Variants in SPATA6L observed in about 807,000 individuals in gnomAD.
SPATA6L encodes spermatogenesis associated 6 like, also known as spermatogenesis associated 6-like protein.
SPATA6L carries 68 observed loss-of-function variants against 49.2 expected under a neutral mutation model. That is an observed-to-expected ratio of 1.38 (90% CI 1.14 to 1.69). SPATA6L has a LOEUF of 1.69. Among genes scored for constraint, SPATA6L ranks in the 40% most tolerant of loss-of-function variants. The pLI is 0.00. For synonymous variants in SPATA6L, 198 were observed against 165.7 expected, an observed-to-expected ratio of 1.19 and a Z score of -1.50; for missense variants, 668 against 464.3, an observed-to-expected ratio of 1.44 and a Z score of -4.03.
At chr9:4,656,658 A>T (rs775404921) in intron 2 of SPATA6L, among the ~76,000 whole-genome samples, 1 of 152,258 alleles carries the variant, frequency 6.6e-6, no homozygotes. Context: ...TAACACAACA[A>T]TAAGAAGTGC....
At chr9:4,616,122 T>C (rs1827929803) in intron 9 of SPATA6L, among the ~76,000 whole-genome samples, 1 of 151,800 alleles carries the variant, frequency 6.6e-6, no homozygotes, top group African/African-American at 2.4e-5. Flanking sequence ...AATAAAAATA[T>C]GAAAATTAGC....
intron 5 of SPATA6L, chr9:4,626,233 A>C (rs1587179177): frequency 2.7e-6 from 1 of 375,496 alleles, no homozygotes; most frequent in East Asian, 9.1e-5. Flanking sequence ...ATGGCTCCAG[A>C]TTATAGCCTT....
chr9:4,660,115 C>T (rs1018556566), intron 2 of SPATA6L, among the ~76,000 whole-genome samples: 18 of 152,194 alleles, frequency 1.2e-4, no homozygotes, highest in Non-Finnish European at 2.1e-4. Flanking sequence ...AGGACATATG[C>T]ATGGGCAAGG....
chr9:4,653,689 G>A (rs1837439250), intron 3 of SPATA6L, among the ~76,000 whole-genome samples: 1 of 152,108 alleles, frequency 6.6e-6, no homozygotes, highest in Non-Finnish European at 1.5e-5. Flanking sequence ...CAACACTTTG[G>A]GAAGCCCAGG....
At chr9:4,594,597 T>C (rs10974635), downstream of SPATA6L, among the ~76,000 whole-genome samples, 137 of 152,260 alleles carry the variant, frequency 9.0e-4, 2 homozygotes, top group East Asian at 0.025. Flanking sequence ...CCCAAGAGGT[T>C]TGAGGTTGCA....
intron 3 of SPATA6L, among the ~76,000 whole-genome samples, chr9:4,641,261 T>C (rs7023566): frequency 0.12 from 18,439 of 152,102 alleles, 1,572 homozygotes; most frequent in African/African-American, 0.23. Context: ...ATTTAATATA[T>C]AGTCATCCCT....
chr9:4,602,471 G>A (rs1283437498), intron 11 of SPATA6L, among the ~76,000 whole-genome samples: 4 of 152,164 alleles, frequency 2.6e-5, no homozygotes. Context: ...CCATTCCTAA[G>A]GCAAGCCAAC....
At chr9:4,620,605 C>T (rs9777196) in intron 7 of SPATA6L, among the ~76,000 whole-genome samples, 4,116 of 152,292 alleles carry the variant, frequency 0.027, 204 homozygotes, top group African/African-American at 0.091. Flanking sequence ...AAAGGGCTGG[C>T]TTGAAAGCTA....
chr9:4,633,495 T>A (rs1448111568), intron 4 of SPATA6L: 2 of 161,154 alleles, frequency 1.2e-5, no homozygotes, highest in East Asian at 1.6e-4. Context: ...TCTGCCAATA[T>A]ATTGTAATAA....
chr9:4,618,886 T>C lies in SPATA6L; in HGVS notation c.785A>G (p.Asp262Gly), dbSNP rs1243821420. ...PFPTRRASSLDSLAANVKVIK... is the reference protein window; with the variant it reads ...PFPTRRASSLGSLAANVKVIK... ...TACCTTTACGTTAGCTGCAAGGCTG[T>C]CAAGAGAAGAAGCTAGAAGAAAGAG... The change falls in exon 8 of 12, where the codon GAC becomes GGC. Residue 262 changes from aspartate (D) to glycine (G), a missense_variant. By Grantham distance (94) the Asp-to-Gly change is moderately conservative (BLOSUM62 -1). Coordinates refer to ENST00000682582, the MANE Select transcript of SPATA6L (RefSeq NM_001353486.2). 1.2e-6 allele frequency: 2 copies of C among 1,613,204 alleles called. No individual in the cohort carries two copies. Among genetic ancestry groups the C allele is most frequent in the African/African-American group, 2.7e-5 (2 of 74,884 alleles).
chr9:4,659,749 G>A (rs1407717779), intron 2 of SPATA6L, among the ~76,000 whole-genome samples: 2 of 152,168 alleles, frequency 1.3e-5, no homozygotes, highest in African/African-American at 4.8e-5. Context: ...GAACAAGGCT[G>A]GAAGCATCAC....
At chr9:4,605,012 G>T (rs989514371) in intron 10 of SPATA6L, among the ~76,000 whole-genome samples, 1 of 152,142 alleles carries the variant, frequency 6.6e-6, no homozygotes, top group Non-Finnish European at 1.5e-5. Context: ...GTGTGCAGGG[G>T]AAAGGAATGC....
At chr9:4,605,507 C>T (rs893403708) in intron 9 of SPATA6L, 67 bp from the exon 10 acceptor site, 33 of 1,053,496 alleles carry the variant, frequency 3.1e-5, no homozygotes, top group South Asian at 4.0e-5. Flanking sequence ...AAGCACATGA[C>T]GGTATGGATT....
At chr9:4,634,302 G>A (rs1444219546) in intron 4 of SPATA6L, among the ~76,000 whole-genome samples, 1 of 152,146 alleles carries the variant, frequency 6.6e-6, no homozygotes, top group East Asian at 1.9e-4. Flanking sequence ...CTTCTCACAT[G>A]TACCATGGAT....
At chr9:4,620,801 C>A (rs1829113834) in intron 7 of SPATA6L, among the ~76,000 whole-genome samples, 1 of 152,144 alleles carries the variant, frequency 6.6e-6, no homozygotes, top group Admixed American at 6.5e-5. Flanking sequence ...CGTAATAGAG[C>A]CTGCATTAAA....
At chr9:4,621,877 G>A (rs931479937) in intron 7 of SPATA6L, among the ~76,000 whole-genome samples, 1 of 152,004 alleles carries the variant, frequency 6.6e-6, no homozygotes, top group African/African-American at 2.4e-5. Flanking sequence ...AAGCTCTTTG[G>A]GCTCTTTAAT....
At chr9:4,603,575 GT>G (rs1300825424) in intron 11 of SPATA6L, among the ~76,000 whole-genome samples, 5 of 152,218 alleles carry the variant, frequency 3.3e-5, no homozygotes, top group African/African-American at 1.2e-4. Flanking sequence ...AAAGTTAAAT[GT>G]GATTCCATTG....
Position 4,662,636 on chromosome 9 carries a change from CGAG to C in SPATA6L, c.40-603_40-601del. On this transcript the variant is annotated intron_variant, in intron 1 of 11. Coordinates refer to ENST00000682582, the MANE Select transcript of SPATA6L (RefSeq NM_001353486.2). This position sits in a 1 kb window ranked among gnomAD's most constrained non-coding sequence, Gnocchi z 4.9. ...CGCAGTCGCCCGCGCCTCCGCTGCC[CGAG>C]GAGGACCGCATGGACTTGAACCCGT... 6.3e-7 allele frequency: 1 copy of C among 1,598,478 alleles called. No individual in the cohort carries two copies. Among genetic ancestry groups the C allele is most frequent in the Non-Finnish European group, 8.5e-7 (1 of 1,179,440 alleles).
Position 4,666,289 on chromosome 9 carries a change from C to A in SPATA6L, c.-39G>T, listed in dbSNP as rs752524707. 5.0e-6 allele frequency: 8 copies of A among 1,612,974 alleles called. No homozygotes were observed. In the East Asian group the frequency reaches 1.6e-4, roughly 31 times the overall value. On this transcript the variant is annotated 5_prime_UTR_variant, in exon 1 of 12. Transcript: ENST00000682582. ...GGCGAAAGGACTGGAATGAGAAGAT[C>A]CTTTTGTGCCGAGCCTTGGACCAAT...
Sources: allele counts gnomAD v4.1 joint callset (sites outside exome capture counted in the v4.1 genomes callset), GRCh38; gene constraint gnomAD v4.1.1; non-coding constraint Gnocchi (gnomAD v3.1); transcripts MANE v1.5; gene names NCBI Gene and HGNC (gene_info 2026-07-23, HGNC 2026-07-21).